PPARG: variants seen among roughly 807,000 people sequenced by gnomAD.
PPARG encodes the protein peroxisome proliferator activated receptor gamma, also known as peroxisome proliferator-activated receptor gamma.
PPARG carries 17 observed loss-of-function variants against 39.2 expected under a neutral mutation model. The ratio of observed to expected loss-of-function variants is 0.43; its 90% CI spans 0.30 to 0.65. The LOEUF is 0.65. PPARG is among the 30% of genes least tolerant of loss of function. PPARG has a pLI of 0.13. For synonymous variants in PPARG, 223 were observed against 215.7 expected (o/e 1.03, Z -0.30); for missense variants, 406 against 585.9 (o/e 0.69, Z 3.17).
intron 7 of PPARG, among the ~76,000 whole-genome samples, chr3:12,423,559 T>G (rs2051333394): frequency 6.6e-6 from 1 of 152,240 alleles, no homozygotes. Flanking sequence ...AACTCCGGCT[T>G]ATGGAGCCTC....
intron 1 of PPARG, among the ~76,000 whole-genome samples, chr3:12,293,386 A>C (rs989035220): frequency 6.6e-6 from 1 of 152,104 alleles, no homozygotes; most frequent in Non-Finnish European, 1.5e-5. Flanking sequence ...CTCATCTGGG[A>C]GGATTATGTG....
chr3:12,418,258 C>G (rs541967904), intron 7 of PPARG, among the ~76,000 whole-genome samples: 1 of 152,210 alleles, frequency 6.6e-6, no homozygotes, highest in South Asian at 2.1e-4. Context: ...CATAAGCCAC[C>G]ACGCACAATC....
At position 12,352,125 on chromosome 3, in the gene PPARG, G is replaced by A. The variant is rs148347308; in HGVS notation, c.-8-27579G>A. ...CTTGAAGTACTCTCAGCTCTTTTCT[G>A]TTCTATTTTGAAATCTAGGTATTGT... On this transcript the variant is annotated intron_variant, in intron 2 of 7. Transcript: ENST00000651735. Among the ~76,000 whole-genome samples, 269 of 152,142 alleles carry A rather than the reference G, an allele frequency of 1.8e-3. 1 individual carries two copies. Among genetic ancestry groups the A allele is most frequent in the African/African-American group, 2.8e-3 (116 of 41,512 alleles).
rs756904247 is a variant in PPARG at position 12,406,077 on chromosome 3, A to C, written c.725A>C (p.Lys242Thr). ...ATCTTGACAGGAAAGACAACAGACA[A>C]ATCAGTTAGTTCTCTTCTGCTGTCT... The part of the protein sequence containing the change: ...RAILTGKTTD[K>T]SPFVIYDMNS... Residue 242 changes from lysine (K) to threonine (T), a missense_variant, in exon 6 of 8, where the codon AAA becomes ACA. Physicochemically the swap from Lys to Thr is moderately conservative, Grantham distance 78. Coordinates refer to ENST00000651735, the MANE Select transcript of PPARG (RefSeq NM_138711.6). The C allele has an allele frequency of 3.1e-6, 5 of 1,613,950 alleles. No homozygotes were observed. The highest frequency in any genetic ancestry group is 1.7e-5 in the Admixed American group (1 of 59,996).
chr3:12,317,093 G>GT (rs1333329209), intron 2 of PPARG, among the ~76,000 whole-genome samples: 1 of 152,118 alleles, frequency 6.6e-6, no homozygotes, highest in African/African-American at 2.4e-5. Context: ...ATCATTTTCT[G>GT]TATGTGCTCA....
chr3:12,426,318 G>A (rs955518059), intron 7 of PPARG, among the ~76,000 whole-genome samples: 11 of 152,310 alleles, frequency 7.2e-5, no homozygotes, highest in African/African-American at 2.6e-4. Context: ...AGAATGTGCT[G>A]GTTACAGATG....
intron 2 of PPARG, among the ~76,000 whole-genome samples, chr3:12,363,179 C>A (rs547540546): frequency 7.9e-4 from 121 of 152,318 alleles, no homozygotes; most frequent in African/African-American, 2.8e-3. Context: ...CTTGGCCTCC[C>A]AAAGTGCTGG....
intron 2 of PPARG, among the ~76,000 whole-genome samples, chr3:12,378,411 C>T (rs1441733054): frequency 6.6e-6 from 1 of 152,014 alleles, no homozygotes; most frequent in African/African-American, 2.4e-5. Context: ...CAGTATATAT[C>T]TGTATATATA....
At chr3:12,352,601 TTATAA>T (rs377764625) in intron 2 of PPARG, among the ~76,000 whole-genome samples, 62 of 152,326 alleles carry the variant, frequency 4.1e-4, no homozygotes, top group African/African-American at 1.3e-3. Context: ...GATTCATGTT[TTATAA>T]TATAAGTGCT....
At chr3:12,356,497 C>CT (rs2048670297) in intron 2 of PPARG, among the ~76,000 whole-genome samples, 1 of 152,220 alleles carries the variant, frequency 6.6e-6, no homozygotes, top group Non-Finnish European at 1.5e-5. Context: ...AAACAGTCAA[C>CT]TGTCAATTGC....
At chr3:12,300,155 A>G (rs990832797) in intron 1 of PPARG, among the ~76,000 whole-genome samples, 2 of 152,228 alleles carry the variant, frequency 1.3e-5, no homozygotes, top group African/African-American at 4.8e-5. Context: ...GTTACAGTGT[A>G]ACTCAATACA....
At chr3:12,298,482 T>G (rs2046850917) in intron 1 of PPARG, among the ~76,000 whole-genome samples, 1 of 152,010 alleles carries the variant, frequency 6.6e-6, no homozygotes, top group Non-Finnish European at 1.5e-5. Context: ...GTCCTAGAAA[T>G]CCCAAAGGAG....
intron 2 of PPARG, among the ~76,000 whole-genome samples, chr3:12,360,195 A>G (rs1346832042): frequency 1.3e-5 from 2 of 152,270 alleles, no homozygotes; most frequent in African/African-American, 4.8e-5. Flanking sequence ...ATTTTTTAAT[A>G]GAGACACGGT....
intron 2 of PPARG, among the ~76,000 whole-genome samples, chr3:12,341,471 A>T (rs1178457790): frequency 6.6e-6 from 1 of 152,198 alleles, no homozygotes; most frequent in Non-Finnish European, 1.5e-5. Context: ...TTTCAGGGTA[A>T]TTACATGGCT....
At chr3:12,302,594 C>A (rs2124958321) in intron 1 of PPARG, among the ~76,000 whole-genome samples, 1 of 152,124 alleles carries the variant, frequency 6.6e-6, no homozygotes, top group East Asian at 1.9e-4. Context: ...GAAAACAAAG[C>A]CTGGAATAGC....
intron 1 of PPARG, among the ~76,000 whole-genome samples, chr3:12,295,175 T>G (rs2046748072): frequency 6.6e-6 from 1 of 152,196 alleles, no homozygotes; most frequent in African/African-American, 2.4e-5. Context: ...TTACTGAATG[T>G]TATCCTTTCC....
At chr3:12,311,733 C>T (rs1261007643) in intron 1 of PPARG, among the ~76,000 whole-genome samples, 13 of 152,050 alleles carry the variant, frequency 8.5e-5, no homozygotes, top group Admixed American at 8.5e-4. Context: ...ATCCTTGAGC[C>T]TTTCATAAGA....
chr3:12,395,121 G>C (rs1441808393), intron 5 of PPARG, among the ~76,000 whole-genome samples: 2 of 152,152 alleles, frequency 1.3e-5, no homozygotes. Context: ...AATGTTGTTG[G>C]ATAGTCACTG....
chr3:12,351,654 T>C, intron 2 of PPARG: 4 of 1,610,334 alleles, frequency 2.5e-6, no homozygotes, highest in Non-Finnish European at 3.4e-6. Flanking sequence ...ACTGATACAC[T>C]GTCTGCAAAC....
Sources: gnomAD v4.1 joint callset for allele counts (sites outside exome capture counted in the v4.1 genomes callset) on GRCh38, gnomAD v4.1.1 for gene constraint, MANE v1.5 for transcripts, NCBI Gene and HGNC (gene_info 2026-07-23, HGNC 2026-07-21) for gene names.